The following CHIA variants were observed in gnomAD, a reference collection of about 807,000 sequenced individuals.
CHIA encodes the protein acidic mammalian chitinase.
CHIA carries 47 observed loss-of-function variants against 53.5 expected under a neutral mutation model. That is an observed-to-expected ratio of 0.88 (90% CI 0.70 to 1.12). The LOEUF (loss-of-function observed/expected upper bound fraction) is 1.12, where lower values mean the gene tolerates loss of function less well. Among genes scored for constraint, CHIA ranks in the 50% most tolerant of loss-of-function variants. The probability of loss-of-function intolerance (pLI) is 0.00; values close to 1 mark genes in which losing one functional copy is unlikely to be tolerated. For missense variants in CHIA, 652 were observed against 592.2 expected (o/e 1.10, Z -1.05); for synonymous variants, 268 against 222.2 (o/e 1.21, Z -1.83).
intron 6 of CHIA, chr1:111,315,765 G>T (rs1317882094): frequency 2.2e-6 from 1 of 464,618 alleles, no homozygotes; most frequent in Non-Finnish European, 4.3e-6. Context: ...GAGGATTTAA[G>T]CAACTTGCCC....
Position 111,290,968 on chromosome 1 carries a change from T to C in CHIA, c.-69+18T>C. 2.3e-6 allele frequency: 1 copy of C among 430,902 alleles called. No individual in the cohort carries two copies. Among genetic ancestry groups the C allele is most frequent in the South Asian group, 1.7e-5 (1 of 58,498 alleles). 26.7% of individuals were successfully genotyped at this position (430,902 alleles called of 1,614,324 possible). On this transcript the variant is annotated intron_variant, in intron 1 of 11. Coordinates refer to ENST00000369740, the MANE Select transcript of CHIA (RefSeq NM_201653.4). ...ATAGTCTGGTGAGTGTAAATATATA[T>C]ATATCTTTTCCCTTCTCCCTTTCCC... is the stretch of plus-strand genomic sequence containing the variant.
At chr1:111,314,669 T>G in intron 5 of CHIA, 73 bp downstream of exon 5, 1 of 1,035,894 alleles carries the variant, frequency 9.7e-7, no homozygotes, top group Non-Finnish European at 1.5e-6. Context: ...TCACTGTCCC[T>G]TTAGACTTCA....
chr1:111,299,815 T>C (rs1402389831), intron 1 of CHIA, among the ~76,000 whole-genome samples: 1 of 152,194 alleles, frequency 6.6e-6, no homozygotes, highest in African/African-American at 2.4e-5. Flanking sequence ...ATGACATGAT[T>C]GTATATTTAG....
chr1:111,294,288 A>C (rs1661209045), intron 1 of CHIA, among the ~76,000 whole-genome samples: 1 of 152,188 alleles, frequency 6.6e-6, no homozygotes, highest in African/African-American at 2.4e-5. Flanking sequence ...TCATTAAGTT[A>C]ATTTCTAAGT....
At chr1:111,291,591 T>C (rs933006442) in intron 1 of CHIA, among the ~76,000 whole-genome samples, 11 of 151,970 alleles carry the variant, frequency 7.2e-5, no homozygotes. Context: ...GACGGGTTGA[T>C]AGGTGCAGCA....
chr1:111,301,545 A>G (rs1647733747), intron 1 of CHIA, among the ~76,000 whole-genome samples: 1 of 151,376 alleles, frequency 6.6e-6, no homozygotes, highest in Admixed American at 6.6e-5. Context: ...TTAAAATACA[A>G]AAAAAAATTA....
intron 6 of CHIA, 130 bp from the exon 7 acceptor site, chr1:111,317,551 C>A: frequency 9.7e-7 from 1 of 1,027,040 alleles, no homozygotes; most frequent in East Asian, 2.6e-5. Context: ...TGTTGAGAGA[C>A]TAAAGTAAAA....
chr1:111,308,763 C>G (rs1648426022), intron 1 of CHIA, among the ~76,000 whole-genome samples: 1 of 152,178 alleles, frequency 6.6e-6, no homozygotes, highest in Admixed American at 6.5e-5. Context: ...TCCTCCCACA[C>G]CCCTCCCCAT....
chr1:111,312,627 C>T (rs966718911), intron 4 of CHIA, among the ~76,000 whole-genome samples: 5 of 152,146 alleles, frequency 3.3e-5, no homozygotes, highest in African/African-American at 1.2e-4. Flanking sequence ...TGCATTTCCA[C>T]AAATACTTAA....
intron 1 of CHIA, among the ~76,000 whole-genome samples, chr1:111,299,317 ACC>A (rs1647500455): frequency 6.6e-6 from 1 of 152,226 alleles, no homozygotes; most frequent in Admixed American, 6.5e-5. Context: ...ATCCCTGATG[ACC>A]ATTGATGCAA....
intron 1 of CHIA, among the ~76,000 whole-genome samples, chr1:111,297,251 G>A (rs934109447): frequency 3.3e-5 from 5 of 152,138 alleles, no homozygotes; most frequent in African/African-American, 1.2e-4. Flanking sequence ...CTAGAGAAGA[G>A]CAATCCCAAG....
chr1:111,296,825 G>C (rs1661369144), intron 1 of CHIA, among the ~76,000 whole-genome samples: 2 of 151,990 alleles, frequency 1.3e-5, no homozygotes, highest in Admixed American at 6.5e-5. Flanking sequence ...TAACAATTTT[G>C]AAAAAAGGTT....
intron 4 of CHIA, among the ~76,000 whole-genome samples, chr1:111,313,686 G>T (rs1648893374): frequency 6.6e-6 from 1 of 152,064 alleles, no homozygotes; most frequent in South Asian, 2.1e-4. Flanking sequence ...TTTTGTTGCT[G>T]CACTTTCCAG....
At chr1:111,296,118 A>G (rs1363430739) in intron 1 of CHIA, among the ~76,000 whole-genome samples, 1 of 152,190 alleles carries the variant, frequency 6.6e-6, no homozygotes, top group Non-Finnish European at 1.5e-5. Context: ...TATAGACTCC[A>G]CCTCTGGGGG....
chr1:111,310,293 T>C (rs1183538088), intron 1 of CHIA, 107 bp from the exon 2 acceptor site: 1 of 1,285,630 alleles, frequency 7.8e-7, no homozygotes, highest in African/African-American at 1.5e-5. Context: ...ATGCTGGTGG[T>C]GGGAGGGTGT....
intron 1 of CHIA, among the ~76,000 whole-genome samples, chr1:111,297,524 CT>C (rs1647270165): frequency 6.6e-6 from 1 of 152,092 alleles, no homozygotes; most frequent in African/African-American, 2.4e-5. Flanking sequence ...CAAGCAAATG[CT>C]GAGAGATTTT....
At chr1:111,320,167 G>A in intron 11 of CHIA, 46 bp from the exon 12 acceptor site, 18 of 1,576,688 alleles carry the variant, frequency 1.1e-5, no homozygotes, top group Non-Finnish European at 1.6e-5. Context: ...GAAGCTTAGA[G>A]CCTCTCCCAA....
intron 1 of CHIA, among the ~76,000 whole-genome samples, chr1:111,307,062 A>AT (rs1648238472): frequency 6.6e-6 from 1 of 152,242 alleles, no homozygotes; most frequent in Admixed American, 6.5e-5. Flanking sequence ...AAATTTTAAT[A>AT]TGCATGTGTT....
intron 1 of CHIA, among the ~76,000 whole-genome samples, chr1:111,308,459 T>G (rs1246260853): frequency 6.6e-6 from 1 of 152,256 alleles, no homozygotes; most frequent in African/African-American, 2.4e-5. Context: ...TAATAGCTGA[T>G]TAATTTTCTC....
Sources: gnomAD v4.1 joint callset for allele counts (sites outside exome capture counted in the v4.1 genomes callset) on GRCh38, gnomAD v4.1.1 for gene constraint, MANE v1.5 for transcripts, NCBI Gene and HGNC (gene_info 2026-07-23, HGNC 2026-07-21) for gene names.